TRNT1: variants seen among roughly 807,000 people sequenced by gnomAD.
TRNT1 encodes tRNA nucleotidyl transferase 1, also known as CCA tRNA nucleotidyltransferase 1, mitochondrial.
In TRNT1, 44 loss-of-function variants were observed where a neutral mutation model predicts 45.6. That is an observed-to-expected ratio of 0.97 (90% CI 0.76 to 1.24). The LOEUF (loss-of-function observed/expected upper bound fraction) is 1.24. TRNT1 is among the 50% of genes most tolerant of loss of function. TRNT1 has a pLI of 0.00. For missense variants in TRNT1, 633 were observed against 504.4 expected, an observed-to-expected ratio of 1.25 and a Z score of -2.44; for synonymous variants, 201 against 171.4, an observed-to-expected ratio of 1.17 and a Z score of -1.35.
At chr3:3,149,704 T>TGGAAGTATTCCTGAA (rs1559235799), downstream of TRNT1, 1 of 152,100 alleles carries the variant, frequency 6.6e-6, no homozygotes, top group Admixed American at 6.5e-5. Flanking sequence ...CATATCCTGA[T>TGGAAGTATTCCTGAA]TGGAAGTATT....
chr3:3,140,673 T>C (rs1365642737), intron 4 of TRNT1, 25 bp downstream of exon 4: 2 of 1,609,532 alleles, frequency 1.2e-6, no homozygotes, highest in South Asian at 1.1e-5. Flanking sequence ...TAAAACCATA[T>C]TGTGAGTCTA....
At chr3:3,152,493 T>C, downstream of TRNT1, 1 of 1,613,872 alleles carries the variant, frequency 6.2e-7, no homozygotes, top group South Asian at 1.1e-5. Flanking sequence ...GGCCGGCCTA[T>C]CAGATTCAAG....
At chr3:3,141,703 A>G (rs1559224964) in intron 4 of TRNT1, among the ~76,000 whole-genome samples, 3 of 152,224 alleles carry the variant, frequency 2.0e-5, no homozygotes, top group African/African-American at 7.2e-5. Context: ...TTGGATTAAA[A>G]AAGGATGAAA....
chr3:3,147,927 A>G lies in TRNT1; in HGVS notation c.1078A>G (p.Thr360Ala), dbSNP rs1186339862. The change falls in exon 8 of 8, where the codon ACT (threonine) becomes GCT (alanine). Residue 360 changes from threonine to alanine, a missense_variant. By Grantham distance (58) the Thr-to-Ala change is moderately conservative (BLOSUM62 0). Transcript: ENST00000251607. ...GTAGTCTAGGGAACCTGATGCAACT[A>G]CTCGTGTATGTGAACTACTGAAGTA... ...IIDSREPDATTRVCELLKYQG... is the reference protein window; with the variant it reads ...IIDSREPDATARVCELLKYQG... 5.6e-6 allele frequency: 9 copies of G among 1,613,308 alleles called. No homozygotes were observed. Among genetic ancestry groups the G allele is most frequent in the Non-Finnish European group, 7.6e-6 (9 of 1,179,606 alleles).
At chr3:3,144,771 G>T in intron 5 of TRNT1, 61 bp downstream of exon 5, 1 of 1,410,238 alleles carries the variant, frequency 7.1e-7, no homozygotes. Context: ...CATAACAGTG[G>T]TCATACGAAA....
chr3:3,136,147 G>A (rs927677767), intron 2 of TRNT1, among the ~76,000 whole-genome samples: 5 of 152,152 alleles, frequency 3.3e-5, no homozygotes, highest in Admixed American at 3.3e-4. Context: ...CAGTGTTCAT[G>A]TTTCGTGTAT....
chr3:3,140,145 C>G (rs1414992980), intron 3 of TRNT1, among the ~76,000 whole-genome samples: 1 of 152,218 alleles, frequency 6.6e-6, no homozygotes, highest in Non-Finnish European at 1.5e-5. Context: ...ACATTCACCT[C>G]TTTGCAAACT....
At chr3:3,147,428 A>G (rs1333784130) in intron 6 of TRNT1, 22 bp from the exon 7 acceptor site, 41 of 1,607,836 alleles carry the variant, frequency 2.6e-5, no homozygotes, top group Non-Finnish European at 3.5e-5. Context: ...AAAACAGGTG[A>G]AAAATGCTTT....
In TRNT1 at chr3:3,139,419, C is replaced by T. The variant is rs115700295; in HGVS notation, c.343-1091C>T. 1.7e-3 allele frequency among the ~76,000 whole-genome samples: 256 copies of T among 152,322 alleles called. 1 individual carries two copies. Among genetic ancestry groups the T allele is most frequent in the African/African-American group, 6.0e-3 (248 of 41,568 alleles). ...AATCCTACAACAGACTTCTGGTGAT[C>T]GTTAACGGCTTTCACTTCCTAAATA... On this transcript the variant is annotated intron_variant, in intron 3 of 7. Coordinates refer to ENST00000251607, the MANE Select transcript of TRNT1 (RefSeq NM_182916.3).
intron 1 of TRNT1, among the ~76,000 whole-genome samples, chr3:3,128,209 T>A (rs1704725920): frequency 1.3e-5 from 2 of 152,148 alleles, no homozygotes; most frequent in African/African-American, 4.8e-5. Context: ...TTTGGGGAGT[T>A]CCCTCAGACC....
At chr3:3,135,534 T>G (rs1705274930) in intron 2 of TRNT1, among the ~76,000 whole-genome samples, 1 of 152,158 alleles carries the variant, frequency 6.6e-6, no homozygotes, top group Non-Finnish European at 1.5e-5. Context: ...CACTTCCCCT[T>G]GGGGAGAGCT....
rs370699359 is a variant in TRNT1 at position 3,147,476 on chromosome 3, G to A, written c.829G>A (p.Glu277Lys). ...TTTACCTGCTAATGCAAGTTTAGAA[G>A]AATTTGACAAAGTCAGTAAAAATGT... ...IGLPANASLE[E>K]FDKVSKNVDG... The change falls in exon 7 of 8, where the codon GAA (glutamate) becomes AAA (lysine). Residue 277 changes from glutamate (E) to lysine (K), a missense_variant. Physicochemically the swap from Glu to Lys is moderately conservative, Grantham distance 56. Transcript: ENST00000251607. 6.2e-7 allele frequency: 1 copy of A among 1,613,596 alleles called. No homozygotes were observed. The highest frequency in any genetic ancestry group is 1.1e-5 in the South Asian group (1 of 91,026).
chr3:3,130,791 C>T (rs1440869450), intron 2 of TRNT1: 1 of 152,142 alleles, frequency 6.6e-6, no homozygotes, highest in East Asian at 1.9e-4. Flanking sequence ...AATCCTAGCA[C>T]TTTGGGAGGC....
chr3:3,145,578 G>C (rs1052984277), intron 5 of TRNT1: 1 of 151,310 alleles, frequency 6.6e-6, no homozygotes, highest in Non-Finnish European at 1.5e-5. Flanking sequence ...TTTGTGGGTA[G>C]CAATGATGTT....
chr3:3,150,888 C>A, downstream of TRNT1: 1 of 1,613,722 alleles, frequency 6.2e-7, no homozygotes, highest in Non-Finnish European at 8.5e-7. Flanking sequence ...ATTACTTTGT[C>A]TGGACTTATT....
At chr3:3,146,147 A>C (rs1706004356) in intron 5 of TRNT1, among the ~76,000 whole-genome samples, 2 of 150,648 alleles carry the variant, frequency 1.3e-5, no homozygotes, top group African/African-American at 4.9e-5. Context: ...GAATGTCTTG[A>C]GTCAGTAATT....
At chr3:3,151,294 A>C (rs921416714), downstream of TRNT1, among the ~76,000 whole-genome samples, 1 of 152,202 alleles carries the variant, frequency 6.6e-6, no homozygotes, top group Non-Finnish European at 1.5e-5. Flanking sequence ...AGAAATAAAG[A>C]GTAATCTTAA....
At chr3:3,150,796 C>CAAT, downstream of TRNT1, 4 of 1,448,946 alleles carry the variant, frequency 2.8e-6, no homozygotes, top group Non-Finnish European at 3.8e-6. Flanking sequence ...GTATCAGAGG[C>CAAT]AATAATTTCC....
chr3:3,135,205 G>A (rs564167858), intron 2 of TRNT1, among the ~76,000 whole-genome samples: 1 of 152,242 alleles, frequency 6.6e-6, no homozygotes, highest in East Asian at 1.9e-4. Context: ...AAGTTGGGGA[G>A]GTGTTTCAGT....
Sources: allele counts gnomAD v4.1 joint callset (sites outside exome capture counted in the v4.1 genomes callset), GRCh38; gene constraint gnomAD v4.1.1; transcripts MANE v1.5; gene names NCBI Gene and HGNC (gene_info 2026-07-23, HGNC 2026-07-21).